TRPV2: variants seen among roughly 807,000 people sequenced by gnomAD.
TRPV2 encodes the protein OTRPC2.
Under a neutral mutation model 91.0 loss-of-function variants are expected in TRPV2, and 58 were observed. That is an observed-to-expected ratio of 0.64 (90% CI 0.52 to 0.79). The LOEUF is 0.79. Among genes scored for constraint, TRPV2 ranks in the 30% least tolerant of loss-of-function variants. TRPV2 has a pLI of 0.00. For synonymous variants in TRPV2, 417 were observed against 414.8 expected (o/e 1.01, Z -0.06); for missense variants, 807 against 969.6 (o/e 0.83, Z 2.23).
chr17:16,417,925 C>T (rs770213545), intron 2 of TRPV2, 57 bp downstream of exon 2: 12 of 1,516,906 alleles, frequency 7.9e-6, no homozygotes, highest in Non-Finnish European at 9.9e-6. Flanking sequence ...TCCAGCAGAG[C>T]ACCCGGAGTG....
chr17:16,417,774 C>T lies in TRPV2; in HGVS notation c.106C>T (p.Leu36=), dbSNP rs1335311155. 2.0e-5 allele frequency: 32 copies of T among 1,614,108 alleles called. No homozygotes were observed. The highest frequency in any genetic ancestry group is 2.5e-5 in the Non-Finnish European group (30 of 1,180,042). Residue 36 remains leucine, a synonymous_variant, in exon 2 of 15, where the codon CTG becomes TTG. Transcript: ENST00000338560. ...AGGAAAGCTGGATTTTGGGAGCGGG[C>T]TGCCTCCCATGGAGTCACAGTTCCA... ...DRGKLDFGSG[L]PPMESQFQGE...
chr17:16,430,487 C>CTTTTTTTTTTTT, intron 10 of TRPV2, among the ~76,000 whole-genome samples: 1 of 80,480 alleles, frequency 1.2e-5, no homozygotes, highest in Non-Finnish European at 3.7e-5. Context: ...AAATGCCTTC[C>CTTTTTTTTTTTT]TTTTTTTTTT....
intron 5 of TRPV2, among the ~76,000 whole-genome samples, 164 bp downstream of exon 5, chr17:16,423,931 T>C (rs918316190): frequency 6.6e-6 from 1 of 152,234 alleles, no homozygotes; most frequent in Non-Finnish European, 1.5e-5. Flanking sequence ...ACCTCTGATA[T>C]ATTTCTGTTT....
intron 3 of TRPV2, among the ~76,000 whole-genome samples, chr17:16,421,192 T>C (rs551766770): frequency 5.9e-5 from 9 of 152,246 alleles, no homozygotes; most frequent in African/African-American, 1.7e-4. Context: ...CTGTGTGCTA[T>C]CCACTTTGTT....
chr17:16,417,883 G>A lies in TRPV2; in HGVS notation c.200+15G>A. 2 of 1,611,896 alleles carry A rather than the reference G, an allele frequency of 1.2e-6. No homozygotes were observed. The highest frequency in any genetic ancestry group is 1.7e-6 in the Non-Finnish European group (2 of 1,178,870). On this transcript the variant is annotated intron_variant, in intron 2 of 14. Transcript: ENST00000338560. The stretch of plus-strand genomic sequence containing the variant: ...ACAGGTGCCAGGTGAGACAGCAAGT[G>A]GGGGCAGGGCAAAGGGGGCCCCCTG...
chr17:16,420,125 C>A lies in TRPV2; in HGVS notation c.211C>A (p.Pro71Thr), dbSNP rs760675051. The change falls in exon 3 of 15, where the codon CCA (proline) becomes ACA (threonine). Residue 71 changes from proline to threonine, a missense_variant. Physicochemically the swap from Pro to Thr is conservative, Grantham distance 38. Transcript: ENST00000338560. The part of the protein sequence containing the change: ...RKGTGASQPD[P>T]NRFDRDRLFN... ...CCACATCCTCCACAGTCAGCCGGAT[C>A]CAAACCGATTTGACCGAGATCGGCT... 2 of 1,613,208 alleles carry A rather than the reference C, an allele frequency of 1.2e-6. No homozygotes were observed. Among genetic ancestry groups the A allele is most frequent in the Non-Finnish European group, 1.7e-6 (2 of 1,179,268 alleles).
chr17:16,420,141 G>A lies in TRPV2; in HGVS notation c.227G>A (p.Arg76Gln), dbSNP rs201224319. ...ASQPDPNRFD[R>Q]DRLFNAVSRG... ...CAGCCGGATCCAAACCGATTTGACC[G>A]AGATCGGCTCTTCAATGCGGTCTCC... The change falls in exon 3 of 15, where the codon CGA becomes CAA. Residue 76 changes from arginine to glutamine, a missense_variant. Coordinates refer to ENST00000338560, the MANE Select transcript of TRPV2 (RefSeq NM_016113.5). 187 of 1,613,780 alleles carry A rather than the reference G, an allele frequency of 1.2e-4. No homozygotes were observed. Among genetic ancestry groups the A allele is most frequent in the South Asian group, 7.7e-4 (70 of 91,068 alleles).
At chr17:16,428,419 C>T in intron 9 of TRPV2, 32 bp downstream of exon 9, 2 of 1,609,322 alleles carry the variant, frequency 1.2e-6, no homozygotes, top group Non-Finnish European at 1.7e-6. Context: ...CTTCTCTCAA[C>T]TGTCTCTGAG....
intron 3 of TRPV2, among the ~76,000 whole-genome samples, chr17:16,422,324 A>G (rs35046037): frequency 1.8e-5 from 1 of 55,406 alleles, no homozygotes; most frequent in African/African-American, 1.1e-4. Flanking sequence ...CTCTGTCTCA[A>G]AAAAAAAAAA....
At chr17:16,434,837 G>A (rs778610227) in intron 13 of TRPV2, 53 bp from the exon 14 acceptor site, 49 of 1,553,120 alleles carry the variant, frequency 3.2e-5, no homozygotes, top group Non-Finnish European at 4.3e-5. Context: ...CTCCGGGGTG[G>A]GAGGGGAGGC....
At chr17:16,417,101 C>G (rs1212818194) in intron 1 of TRPV2, among the ~76,000 whole-genome samples, 2 of 151,858 alleles carry the variant, frequency 1.3e-5, no homozygotes, top group African/African-American at 4.8e-5. Context: ...TGTTCCTCAC[C>G]CCACAGGCCT....
chr17:16,415,887 G>A lies in TRPV2; in HGVS notation c.-108+54G>A, dbSNP rs1360966384. On this transcript the variant is annotated intron_variant, in intron 1 of 14. Transcript: ENST00000338560. The surrounding 1 kb of genome is among the most constrained non-coding windows in gnomAD (Gnocchi z 4.5). ...TGGAGGGGGCCGGGTCTCCAAGCCT[G>A]ACAGTGAATGATGGGGTGGGGAAGG... is the stretch of plus-strand genomic sequence containing the variant. 1 of 152,400 alleles carries A rather than the reference G, an allele frequency of 6.6e-6. No homozygotes were observed. Among genetic ancestry groups the A allele is most frequent in the Non-Finnish European group, 1.5e-5 (1 of 68,262 alleles). 9.4% of individuals were successfully genotyped at this position (152,400 alleles called of 1,614,324 possible). A position where few individuals can be genotyped will look rare whatever the true frequency, so the allele number is the denominator to read the frequency against.
At chr17:16,423,408 T>C (rs1447088654) in intron 4 of TRPV2, 61 bp from the exon 5 acceptor site, 1 of 1,532,900 alleles carries the variant, frequency 6.5e-7, no homozygotes, top group Non-Finnish European at 8.8e-7. Flanking sequence ...CCAAGGAGCA[T>C]GAGGAGTAGG....
chr17:16,431,291 A>ATT (rs1167449708), intron 10 of TRPV2, among the ~76,000 whole-genome samples: 8,271 of 67,184 alleles, frequency 0.12, 1,092 homozygotes, highest in South Asian at 0.19. Context: ...ATATATACAT[A>ATT]TTTTTTTTTT....
At chr17:16,421,261 G>A (rs2142986026) in intron 3 of TRPV2, among the ~76,000 whole-genome samples, 1 of 151,850 alleles carries the variant, frequency 6.6e-6, no homozygotes, top group Non-Finnish European at 1.5e-5. Context: ...CCAGCCTGGA[G>A]TACAGTGGTG....
intron 10 of TRPV2, among the ~76,000 whole-genome samples, chr17:16,431,275 ATATATATATATACATATTTTTTTTTTT>A (rs2093409229): frequency 1.3e-5 from 1 of 74,810 alleles, no homozygotes; most frequent in South Asian, 4.4e-4. Flanking sequence ...ATATATATAT[ATATATATATATACATATTTTTTTTTTT>A]TTTTTTTTTG....
rs776692828 is a variant in TRPV2, at chr17:16,427,536, C to T, written c.1339C>T (p.Leu447Phe). ...TATCCTGCTAGGGGGGATCTACCTC[C>T]TCGTGGGCCAGGTGAGTGCCCCTCC... Reference protein sequence around the residue: ...ILILLGGIYLLVGQLWYFWRR... With the variant: ...ILILLGGIYLFVGQLWYFWRR... Residue 447 changes from leucine to phenylalanine, a missense_variant, in exon 8 of 15, where the codon CTC becomes TTC. By Grantham distance (22) the Leu-to-Phe change is conservative (BLOSUM62 0). Transcript: ENST00000338560. 1 of 1,611,992 alleles carries T rather than the reference C, an allele frequency of 6.2e-7. No individual in the cohort carries two copies. The highest frequency in any genetic ancestry group is 8.5e-7 in the Non-Finnish European group (1 of 1,178,714).
chr17:16,428,993 G>A lies in TRPV2; in HGVS notation c.1587+11G>A. Reference sequence around the variant, plus strand: ...GTCATGATCCAGAAGGTGAGAGAAGGGGGTGGCCCACCGGGACTCTTTTGG... The same window carrying A: ...GTCATGATCCAGAAGGTGAGAGAAGAGGGTGGCCCACCGGGACTCTTTTGG... On this transcript the variant is annotated intron_variant, in intron 10 of 14. Coordinates refer to ENST00000338560, the MANE Select transcript of TRPV2 (RefSeq NM_016113.5). 3.1e-6 allele frequency: 5 copies of A among 1,613,802 alleles called. No homozygotes were observed. Among genetic ancestry groups the A allele is most frequent in the Non-Finnish European group, 4.2e-6 (5 of 1,179,902 alleles).
At position 16,431,998 on chromosome 17, in the gene TRPV2, C is replaced by T; in HGVS notation, c.1687C>T (p.Pro563Ser). 3 of 1,606,274 alleles carry T rather than the reference C, an allele frequency of 1.9e-6. No individual in the cohort carries two copies. Among genetic ancestry groups the T allele is most frequent in the South Asian group, 1.1e-5 (1 of 90,558 alleles). ...LVSLSQEAWR[P>S]EAPTGPNATE... ...GAGCCTGAGCCAGGAGGCTTGGCGC[C>T]CCGAAGCTCCTACAGGCCCCAATGC... Residue 563 changes from proline (P) to serine (S), a missense_variant, in exon 12 of 15, where the codon CCC becomes TCC. Physicochemically the swap from Pro to Ser is moderately conservative, Grantham distance 74. Transcript: ENST00000338560.
Sources: allele counts gnomAD v4.1 joint callset (sites outside exome capture counted in the v4.1 genomes callset), GRCh38; gene constraint gnomAD v4.1.1; non-coding constraint Gnocchi (gnomAD v3.1); transcripts MANE v1.5; gene names NCBI Gene and HGNC (gene_info 2026-07-23, HGNC 2026-07-21).